Variants in WDR20 observed in about 807,000 individuals in gnomAD.
WDR20 encodes the protein WD repeat domain 20.
In WDR20, 3 loss-of-function variants were observed where a neutral mutation model predicts 38.7. That is an observed-to-expected ratio of 0.08 (90% confidence interval 0.04 to 0.20). The LOEUF (loss-of-function observed/expected upper bound fraction) is 0.20, where lower values mean the gene tolerates loss of function less well. Ranked by LOEUF, WDR20 falls within the 10% of genes least tolerant of loss-of-function variation. WDR20 has a pLI of 1.00. For synonymous variants in WDR20, 298 were observed against 285.6 expected, an observed-to-expected ratio of 1.04 and a Z score of -0.44; for missense variants, 559 against 727.7, an observed-to-expected ratio of 0.77 and a Z score of 2.67.
chr14:102,187,167 G>A (rs141062506), intron 1 of WDR20, among the ~76,000 whole-genome samples: 6 of 152,210 alleles, frequency 3.9e-5, no homozygotes, highest in Admixed American at 6.5e-5. Context: ...CACTACAGTC[G>A]TTCTCTTCTG....
At position 102,221,747 on chromosome 14, in the gene WDR20, C is replaced by T. The variant is rs1567108780; in HGVS notation, c.1693-1083C>T. Among the ~76,000 whole-genome samples the T allele has an allele frequency of 1.3e-5, 2 of 152,146 alleles. No individual in the cohort carries two copies. The highest frequency in any genetic ancestry group is 1.5e-5 in the Non-Finnish European group (1 of 68,030). ...GTGGGCGAGGCTGAAGGGCAGTTTC[C>T]GATTGTCACCTTCATTTGTGTCCAC... On this transcript the variant is annotated intron_variant, in intron 3 of 3. Transcript: ENST00000335263. This position sits in a 1 kb window ranked among gnomAD's most constrained non-coding sequence, Gnocchi z 4.8.
At chr14:102,167,957 C>G (rs2060081166) in intron 1 of WDR20, among the ~76,000 whole-genome samples, 2 of 152,174 alleles carry the variant, frequency 1.3e-5, no homozygotes, top group South Asian at 4.1e-4. Context: ...CTATGGTAAG[C>G]ATATTGTATG....
intron 1 of WDR20, among the ~76,000 whole-genome samples, chr14:102,149,972 C>T (rs573124839): frequency 3.3e-5 from 5 of 152,208 alleles, no homozygotes; most frequent in Non-Finnish European, 7.3e-5. Flanking sequence ...GGATTACAGG[C>T]ATGAGCCACC....
chr14:102,194,767 TG>T (rs1346063916), intron 1 of WDR20, among the ~76,000 whole-genome samples, 170 bp from the exon 2 acceptor site: 19 of 152,252 alleles, frequency 1.2e-4, no homozygotes, highest in Admixed American at 1.2e-3. Flanking sequence ...GGCTAAGGTA[TG>T]TGAAAGTGCT....
intron 1 of WDR20, among the ~76,000 whole-genome samples, chr14:102,169,130 C>T (rs1005519625): frequency 6.6e-6 from 1 of 152,128 alleles, no homozygotes; most frequent in Non-Finnish European, 1.5e-5. Context: ...AGCAGCTGCA[C>T]CCCTCCCCGT....
intron 1 of WDR20, among the ~76,000 whole-genome samples, chr14:102,152,604 G>A (rs1370931001): frequency 1.3e-5 from 2 of 151,630 alleles, no homozygotes; most frequent in Non-Finnish European, 1.5e-5. Context: ...TACTACAGAC[G>A]GGGTTTCACC....
intron 1 of WDR20, among the ~76,000 whole-genome samples, chr14:102,194,714 A>G (rs1383491697): frequency 1.3e-5 from 2 of 152,252 alleles, no homozygotes; most frequent in Non-Finnish European, 2.9e-5. Flanking sequence ...TTGTGAAAGT[A>G]ACAGTTGTAA....
At chr14:102,211,817 C>G (rs1430849604), downstream of WDR20, among the ~76,000 whole-genome samples, 1 of 152,182 alleles carries the variant, frequency 6.6e-6, no homozygotes, top group Non-Finnish European at 1.5e-5. This position sits in a 1 kb window ranked among gnomAD's most constrained non-coding sequence, Gnocchi z 4.2. Context: ...TATGCAGTTT[C>G]AAAATTCAGG....
At chr14:102,190,601 A>AT (rs1330297521) in intron 1 of WDR20, among the ~76,000 whole-genome samples, 1 of 152,132 alleles carries the variant, frequency 6.6e-6, no homozygotes, top group Non-Finnish European at 1.5e-5. Flanking sequence ...CTCAAAAAAA[A>AT]AAGTGTTGAC....
At position 102,147,904 on chromosome 14, in the gene WDR20, T is replaced by G. The variant is rs2054254644; in HGVS notation, c.249+7732T>G. 2.0e-5 allele frequency among the ~76,000 whole-genome samples: 3 copies of G among 152,166 alleles called. 1 individual carries two copies. Among genetic ancestry groups the G allele is most frequent in the Admixed American group, 2.0e-4 (3 of 15,280 alleles). On this transcript the variant is annotated intron_variant, in intron 1 of 2. Transcript: ENST00000342702. ...TGCCACCACACCCAGCTAATTTTTG[T>G]CTTTTTAGTAGAGACGGGGTTTCCC... is the stretch of plus-strand genomic sequence containing the variant.
intron 1 of WDR20, among the ~76,000 whole-genome samples, chr14:102,175,261 T>G (rs1695910617): frequency 6.6e-6 from 1 of 152,230 alleles, no homozygotes; most frequent in South Asian, 2.1e-4. Context: ...TTTATTCTTC[T>G]ACATGTGGCT....
At chr14:102,198,382 TG>T in intron 2 of WDR20, 1 of 242,412 alleles carries the variant, frequency 4.1e-6, no homozygotes, top group Non-Finnish European at 8.8e-6. Flanking sequence ...CTTCCCAAAG[TG>T]CTGGAATTAC....
chr14:102,177,152 C>G (rs1596336861), intron 1 of WDR20, among the ~76,000 whole-genome samples: 2 of 152,364 alleles, frequency 1.3e-5, no homozygotes, highest in East Asian at 1.9e-4. Flanking sequence ...CAAAATCTCT[C>G]TATCATCATT....
At chr14:102,158,111 C>T (rs1298874644) in intron 1 of WDR20, among the ~76,000 whole-genome samples, 1 of 152,100 alleles carries the variant, frequency 6.6e-6, no homozygotes. Flanking sequence ...CCCTCGTATA[C>T]ACACTCGATC....
At chr14:102,194,329 C>T (rs375510674) in intron 1 of WDR20, among the ~76,000 whole-genome samples, 14 of 152,198 alleles carry the variant, frequency 9.2e-5, no homozygotes, top group African/African-American at 3.1e-4. Context: ...ATAGAGTGGG[C>T]TCCAGCAGTG....
intron 1 of WDR20, 61 bp downstream of exon 1, chr14:102,140,233 G>T: frequency 6.3e-7 from 1 of 1,592,580 alleles, no homozygotes; most frequent in Non-Finnish European, 8.5e-7. Context: ...GGAGCAGGGC[G>T]GTGACAGTGG....
At chr14:102,179,660 G>T (rs968492919) in intron 1 of WDR20, among the ~76,000 whole-genome samples, 1 of 151,948 alleles carries the variant, frequency 6.6e-6, no homozygotes, top group African/African-American at 2.4e-5. Flanking sequence ...AATTTTACTG[G>T]TTTAACTTTG....
chr14:102,153,827 A>G (rs1363900042), intron 1 of WDR20, among the ~76,000 whole-genome samples: 2 of 152,222 alleles, frequency 1.3e-5, no homozygotes, highest in Non-Finnish European at 2.9e-5. Context: ...ACCATCCATC[A>G]GAGAACCTAC....
chr14:102,204,208 T>C (rs1440701199), intron 2 of WDR20, among the ~76,000 whole-genome samples: 1 of 152,176 alleles, frequency 6.6e-6, no homozygotes, highest in Non-Finnish European at 1.5e-5. Context: ...CTGGTTCGGC[T>C]GTGTCTCTCC....
Sources: allele counts gnomAD v4.1 joint callset (sites outside exome capture counted in the v4.1 genomes callset), GRCh38; gene constraint gnomAD v4.1.1; non-coding constraint Gnocchi (gnomAD v3.1); transcripts MANE v1.5; gene names NCBI Gene and HGNC (gene_info 2026-07-23, HGNC 2026-07-21).